ABHD2: variants seen among roughly 807,000 people sequenced by gnomAD.
ABHD2 encodes the protein abhydrolase domain containing 2, acylglycerol lipase, also known as monoacylglycerol lipase ABHD2.
A neutral mutation model predicts 48.1 loss-of-function variants in ABHD2; 20 were observed. The ratio of observed to expected loss-of-function variants is 0.42; its 90% confidence interval spans 0.29 to 0.60. The LOEUF is 0.60. Among genes scored for constraint, ABHD2 ranks in the 20% least tolerant of loss-of-function variants. The probability of loss-of-function intolerance (pLI) is 0.24; values close to 1 mark genes in which losing one functional copy is unlikely to be tolerated. For missense variants in ABHD2, 405 were observed against 550.9 expected, an observed-to-expected ratio of 0.74 and a Z score of 2.65; for synonymous variants, 209 against 214.2, an observed-to-expected ratio of 0.98 and a Z score of 0.21.
Position 89,106,760 on chromosome 15 carries a change from G to C in ABHD2, c.-106-6965G>C, listed in dbSNP as rs1183089189. ...TGTCATGTTGCCCACATTTAAGGTT[G>C]ACCACTTTTATCTGGTGTAGCAAGT... On this transcript the variant is annotated intron_variant, in intron 1 of 10. Coordinates refer to ENST00000352732, the MANE Select transcript of ABHD2 (RefSeq NM_152924.5). The surrounding 1 kb of genome is among the most constrained non-coding windows in gnomAD (Gnocchi z 4.2). 2.0e-5 allele frequency among the ~76,000 whole-genome samples: 3 copies of C among 152,174 alleles called. No individual in the cohort carries two copies. Among genetic ancestry groups the C allele is most frequent in the Non-Finnish European group, 4.4e-5 (3 of 68,036 alleles).
At chr15:89,096,799 G>A (rs954656932) in intron 1 of ABHD2, among the ~76,000 whole-genome samples, 7 of 152,220 alleles carry the variant, frequency 4.6e-5, no homozygotes, top group Non-Finnish European at 7.3e-5. Context: ...CATCATACCC[G>A]TTTGTACGTG....
chr15:89,116,574 G>A lies in ABHD2; in HGVS notation c.194+53G>A, dbSNP rs1390589963. 6.4e-7 allele frequency: 1 copy of A among 1,554,292 alleles called. No individual in the cohort carries two copies. Among genetic ancestry groups the A allele is most frequent in the Non-Finnish European group, 8.7e-7 (1 of 1,145,866 alleles). ...CTCAGCTGCTGATGTATTTGGCTTT[G>A]TGTGATGTTCAAAGAAGAAACTTCT... is the stretch of plus-strand genomic sequence containing the variant. On this transcript the variant is annotated intron_variant, in intron 3 of 10. Coordinates refer to ENST00000352732, the MANE Select transcript of ABHD2 (RefSeq NM_152924.5). This position sits in a 1 kb window ranked among gnomAD's most constrained non-coding sequence, Gnocchi z 4.6.
chr15:89,190,132 C>T (rs2051279619), intron 8 of ABHD2, among the ~76,000 whole-genome samples: 1 of 152,206 alleles, frequency 6.6e-6, no homozygotes, highest in African/African-American at 2.4e-5. Flanking sequence ...ATGAGATCCA[C>T]AGCTTTGGGG....
intron 3 of ABHD2, among the ~76,000 whole-genome samples, chr15:89,142,364 A>G (rs1018289370): frequency 1.8e-4 from 27 of 152,254 alleles, no homozygotes; most frequent in Non-Finnish European, 4.4e-5. Context: ...TGCTAGAACC[A>G]CTGAGATTAG....
Position 89,185,532 on chromosome 15 carries a change from TTCTC to T in ABHD2, c.815+21_815+24del. ...TCTCGCACAGGTAGGTCACCTTCCG[TTCTC>T]TCTCAGGAGACAGACAGTTCCTTCC... On this transcript the variant is annotated intron_variant, in intron 7 of 10. Coordinates refer to ENST00000352732, the MANE Select transcript of ABHD2 (RefSeq NM_152924.5). This position sits in a 1 kb window ranked among gnomAD's most constrained non-coding sequence, Gnocchi z 5.9. The T allele has an allele frequency of 1.9e-6, 3 of 1,608,928 alleles. No individual in the cohort carries two copies. Among genetic ancestry groups the T allele is most frequent in the East Asian group, 2.2e-5 (1 of 44,856 alleles).
rs772457736 is a variant in ABHD2, at chr15:89,091,243, T to A, written c.-107+2680T>A. Among the ~76,000 whole-genome samples, 9 of 152,212 alleles carry A rather than the reference T, an allele frequency of 5.9e-5. No homozygotes were observed. Among genetic ancestry groups the A allele is most frequent in the Non-Finnish European group, 8.8e-5 (6 of 68,016 alleles). On this transcript the variant is annotated intron_variant, in intron 1 of 10. Coordinates refer to ENST00000352732, the MANE Select transcript of ABHD2 (RefSeq NM_152924.5). The surrounding 1 kb of genome is among the most constrained non-coding windows in gnomAD (Gnocchi z 5.5). Reference sequence around the variant, plus strand: ...CTGCCACTTTCATTTTTTGCAGGAATCCAGTCACCTTTGATTTTCTCTTCT... The same window carrying A: ...CTGCCACTTTCATTTTTTGCAGGAAACCAGTCACCTTTGATTTTCTCTTCT...
rs560039814 is a variant in ABHD2, at chr15:89,179,485, G to A, written c.722+3490G>A. On this transcript the variant is annotated intron_variant, in intron 6 of 10. Transcript: ENST00000352732. This position sits in a 1 kb window ranked among gnomAD's most constrained non-coding sequence, Gnocchi z 4.3. ...ATCTTCTTATGAGAATCTAATATCT[G>A]ATGATCTGTCGCTGTCTCCCATCAC... 7.2e-5 allele frequency among the ~76,000 whole-genome samples: 11 copies of A among 152,304 alleles called. No homozygotes were observed. The South Asian group carries it at 2.3e-3, about 32-fold the overall frequency.
upstream of ABHD2, among the ~76,000 whole-genome samples, chr15:89,084,306 T>C (rs985646109): frequency 1.1e-4 from 16 of 152,096 alleles, no homozygotes; most frequent in African/African-American, 3.9e-4. The surrounding 1 kb of genome is among the most constrained non-coding windows in gnomAD (Gnocchi z 4.4). Flanking sequence ...CCTAAAACTA[T>C]TTATTTATTT....
intron 3 of ABHD2, among the ~76,000 whole-genome samples, chr15:89,144,357 T>A (rs1355508726): frequency 6.6e-6 from 1 of 152,154 alleles, no homozygotes; most frequent in Non-Finnish European, 1.5e-5. Context: ...GGTCTCAAAC[T>A]CCTGACCTCA....
chr15:89,166,660 A>G lies in ABHD2; in HGVS notation c.539-9152A>G, dbSNP rs1163294228. 6.6e-6 allele frequency among the ~76,000 whole-genome samples: 1 copy of G among 152,106 alleles called. No individual in the cohort carries two copies. Among genetic ancestry groups the G allele is most frequent in the Non-Finnish European group, 1.5e-5 (1 of 68,008 alleles). ...ACAGTGAGACCTCATTTCTACAAAA[A>G]ATAAAAATAAATTAGCTGGGCATGG... On this transcript the variant is annotated intron_variant, in intron 5 of 10. Coordinates refer to ENST00000352732, the MANE Select transcript of ABHD2 (RefSeq NM_152924.5). The surrounding 1 kb of genome is among the most constrained non-coding windows in gnomAD (Gnocchi z 4.6).
the ABHD2 span, chr15:89,075,295 GGAATGGATGATT>G: frequency 1.3e-5 from 2 of 152,174 alleles, no homozygotes; most frequent in Non-Finnish European, 2.9e-5. This position sits in a 1 kb window ranked among gnomAD's most constrained non-coding sequence, Gnocchi z 4.1. Context: ...ACATCTATTA[GGAATGGATGATT>G]GAATGGATGA....
the ABHD2 span, among the ~76,000 whole-genome samples, chr15:89,080,023 C>T: frequency 5.3e-5 from 8 of 152,330 alleles, no homozygotes; most frequent in East Asian, 7.7e-4. Flanking sequence ...AACTCCACCT[C>T]GGCCATGGCA....
Position 89,116,276 on chromosome 15 carries a change from G to A in ABHD2, c.-6-46G>A, listed in dbSNP as rs566444627. ...GTCTGTAGGGTGGTGGGCACCACCC[G>A]TCCTCACTGTGCTTGTAAACTTAGA... is the stretch of plus-strand genomic sequence containing the variant. On this transcript the variant is annotated intron_variant, in intron 2 of 10. Transcript: ENST00000352732. This position sits in a 1 kb window ranked among gnomAD's most constrained non-coding sequence, Gnocchi z 4.6. 7.7e-6 allele frequency: 12 copies of A among 1,564,490 alleles called. No individual in the cohort carries two copies. Among genetic ancestry groups the A allele is most frequent in the African/African-American group, 4.0e-5 (3 of 74,100 alleles).
At chr15:89,143,811 A>C (rs1260500687) in intron 3 of ABHD2, among the ~76,000 whole-genome samples, 6 of 152,144 alleles carry the variant, frequency 3.9e-5, no homozygotes, top group Non-Finnish European at 8.8e-5. Flanking sequence ...ATGCACATCA[A>C]AACCACCAAG....
At chr15:89,088,111 C>T (rs1567061560), upstream of ABHD2, 1 of 152,374 alleles carries the variant, frequency 6.6e-6, no homozygotes, top group Non-Finnish European at 1.5e-5. The surrounding 1 kb of genome is among the most constrained non-coding windows in gnomAD (Gnocchi z 6.8). Flanking sequence ...CCCGTCTCTT[C>T]ACCCCGCCCC....
chr15:89,151,262 A>G lies in ABHD2; in HGVS notation c.195-415A>G, dbSNP rs1044108707. 2.0e-5 allele frequency among the ~76,000 whole-genome samples: 3 copies of G among 152,240 alleles called. No individual in the cohort carries two copies. Among genetic ancestry groups the G allele is most frequent in the African/African-American group, 4.8e-5 (2 of 41,472 alleles). On this transcript the variant is annotated intron_variant, in intron 3 of 10. Transcript: ENST00000352732. This position sits in a 1 kb window ranked among gnomAD's most constrained non-coding sequence, Gnocchi z 4.7. ...TGTGGCCTGTCTCGTTAGGGAAAGA[A>G]GAAGTGAGCTTTTAGTGAGTGTAGG...
At chr15:89,050,190 G>T in the ABHD2 span, among the ~76,000 whole-genome samples, 7 of 152,148 alleles carry the variant, frequency 4.6e-5, no homozygotes, top group Non-Finnish European at 8.8e-5. Context: ...AGCAGACCTG[G>T]CCTGTCTCCC....
At chr15:89,099,570 A>G (rs1204977960) in intron 1 of ABHD2, among the ~76,000 whole-genome samples, 2 of 152,096 alleles carry the variant, frequency 1.3e-5, no homozygotes, top group Non-Finnish European at 2.9e-5. Context: ...CTATGATTGC[A>G]CCACTGCACT....
intron 5 of ABHD2, among the ~76,000 whole-genome samples, chr15:89,165,442 T>C (rs1023678034): frequency 1.3e-5 from 2 of 152,070 alleles, no homozygotes; most frequent in African/African-American, 4.8e-5. Flanking sequence ...AAGAGTAAAG[T>C]TTACCAAACT....
Sources: gnomAD v4.1 joint callset for allele counts (sites outside exome capture counted in the v4.1 genomes callset) on GRCh38, gnomAD v4.1.1 for gene constraint, Gnocchi (gnomAD v3.1) non-coding constraint, MANE v1.5 for transcripts, NCBI Gene and HGNC (gene_info 2026-07-23, HGNC 2026-07-21) for gene names.